NCAPH: variants seen among roughly 807,000 people sequenced by gnomAD.
NCAPH encodes the protein non-SMC condensin I complex subunit H.
NCAPH carries 38 observed loss-of-function variants against 85.5 expected under a neutral mutation model. The observed-to-expected ratio is 0.44, with a 90% confidence interval of 0.34 to 0.58. The LOEUF (loss-of-function observed/expected upper bound fraction) is 0.58, where lower values mean the gene tolerates loss of function less well. Among genes scored for constraint, NCAPH ranks in the 20% least tolerant of loss-of-function variants. The pLI, the probability that NCAPH is intolerant of heterozygous loss-of-function variation, is 0.01. For synonymous variants in NCAPH, 301 were observed against 335.1 expected, an observed-to-expected ratio of 0.90 and a Z score of 1.11; for missense variants, 789 against 916.6, an observed-to-expected ratio of 0.86 and a Z score of 1.80.
intron 4 of NCAPH, 21 bp from the exon 5 acceptor site, chr2:96,343,143 TGC>T: frequency 6.2e-7 from 1 of 1,613,388 alleles, no homozygotes; most frequent in Non-Finnish European, 8.5e-7. Context: ...TCTTTGTGAG[TGC>T]AGCTCTGATT....
chr2:96,344,444 C>A (rs1224894028), intron 6 of NCAPH, among the ~76,000 whole-genome samples: 3 of 152,198 alleles, frequency 2.0e-5, no homozygotes. Flanking sequence ...AAGGAAGAGA[C>A]TGCAAATTGC....
chr2:96,346,423 A>G (rs557735634), intron 6 of NCAPH, among the ~76,000 whole-genome samples: 74 of 152,296 alleles, frequency 4.9e-4, no homozygotes, highest in Non-Finnish European at 6.6e-4. Context: ...GTCTCTGTCC[A>G]GCCGTGAATA....
At chr2:96,358,351 A>G (rs978301153) in intron 9 of NCAPH, among the ~76,000 whole-genome samples, 2 of 152,132 alleles carry the variant, frequency 1.3e-5, no homozygotes, top group African/African-American at 2.4e-5. Context: ...CGAATGAGGG[A>G]TTTGTCATCT....
intron 7 of NCAPH, among the ~76,000 whole-genome samples, chr2:96,352,227 T>C: frequency 6.6e-6 from 1 of 152,176 alleles, no homozygotes; most frequent in Non-Finnish European, 1.5e-5. Flanking sequence ...TCTAAAACGG[T>C]AAACCATCGC....
Position 96,369,471 on chromosome 2 carries a change from G to T in NCAPH, c.2137G>T (p.Ala713Ser). ...GAACCTCTCCATACCTCTGGCTTTT[G>T]CCTGTCTCCTACATTTAGCCAATGA... ...AQNLSIPLAF[A>S]CLLHLANEKN... Residue 713 changes from alanine (A) to serine (S), a missense_variant, in exon 17 of 18, where the codon GCC (alanine) becomes TCC (serine). Physicochemically the swap from Ala to Ser is moderately conservative, Grantham distance 99. Coordinates refer to ENST00000240423, the MANE Select transcript of NCAPH (RefSeq NM_015341.5). 6.2e-7 allele frequency: 1 copy of T among 1,614,056 alleles called. No homozygotes were observed. The highest frequency in any genetic ancestry group is 1.1e-5 in the South Asian group (1 of 91,082).
At chr2:96,353,812 A>C (rs1055780338) in intron 8 of NCAPH, among the ~76,000 whole-genome samples, 16 of 152,064 alleles carry the variant, frequency 1.1e-4, no homozygotes, top group African/African-American at 3.4e-4. Flanking sequence ...TCATGTGTAG[A>C]GCTTTCCTCT....
intron 12 of NCAPH, among the ~76,000 whole-genome samples, chr2:96,363,345 TGA>T (rs2064652877): frequency 6.6e-6 from 1 of 152,212 alleles, no homozygotes; most frequent in Admixed American, 6.5e-5. Context: ...TAGGGACACC[TGA>T]GAGTGTGCCC....
At chr2:96,356,786 C>T (rs1462349108) in intron 9 of NCAPH, among the ~76,000 whole-genome samples, 1 of 152,148 alleles carries the variant, frequency 6.6e-6, no homozygotes, top group Non-Finnish European at 1.5e-5. Flanking sequence ...ACTGAGAGGT[C>T]TTCGGAGGCC....
At chr2:96,371,831 C>T (rs2064778488) in intron 17 of NCAPH, among the ~76,000 whole-genome samples, 1 of 152,206 alleles carries the variant, frequency 6.6e-6, no homozygotes, top group African/African-American at 2.4e-5. Context: ...AGAACTTGAC[C>T]TCCTCTTGGA....
In NCAPH at chr2:96,335,782, G is replaced by T; in HGVS notation, c.-48G>T. 6.8e-7 allele frequency: 1 copy of T among 1,467,018 alleles called. No homozygotes were observed. Among genetic ancestry groups the T allele is most frequent in the Non-Finnish European group, 9.0e-7 (1 of 1,109,030 alleles). 90.9% of individuals were successfully genotyped at this position (1,467,018 alleles called of 1,614,324 possible). On this transcript the variant is annotated 5_prime_UTR_variant, in exon 1 of 18. Coordinates refer to ENST00000240423, the MANE Select transcript of NCAPH (RefSeq NM_015341.5). ...CACGCGGCCGTTACGGCGCTCAGGC[G>T]TCTCGACGCGCGCGATTTAAAACCA...
At chr2:96,351,737 A>G (rs1221122060) in intron 6 of NCAPH, 94 bp from the exon 7 acceptor site, 4 of 1,081,610 alleles carry the variant, frequency 3.7e-6, no homozygotes, top group Non-Finnish European at 5.3e-6. Context: ...TCCAGTGTAT[A>G]TACCTGCTAA....
chr2:96,373,525 G>T lies in NCAPH; in HGVS notation c.*174G>T. On this transcript the variant is annotated 3_prime_UTR_variant, in exon 18 of 18. Transcript: ENST00000240423. ...TCTCCATCATAGTCTGGGTGCCAGCGCCCTGAAGCTCCGTGCTCAACTGAT... is the reference window on the plus strand; with the variant it reads ...TCTCCATCATAGTCTGGGTGCCAGCTCCCTGAAGCTCCGTGCTCAACTGAT... The T allele has an allele frequency of 3.2e-6, 2 of 619,356 alleles. No homozygotes were observed. Among genetic ancestry groups the T allele is most frequent in the South Asian group, 2.0e-5 (1 of 49,396 alleles). 38.4% of individuals were successfully genotyped at this position (619,356 alleles called of 1,614,324 possible).
intron 6 of NCAPH, among the ~76,000 whole-genome samples, chr2:96,351,394 T>C (rs2064439460): frequency 6.6e-6 from 1 of 152,120 alleles, no homozygotes; most frequent in Admixed American, 6.6e-5. Context: ...TTTTGTTGGG[T>C]GCGGTGGTTC....
chr2:96,366,893 A>AG (rs988418693), intron 14 of NCAPH, among the ~76,000 whole-genome samples: 2 of 151,464 alleles, frequency 1.3e-5, no homozygotes, highest in Non-Finnish European at 2.9e-5. Context: ...AAAAAAAAAA[A>AG]AAAAAAAGAG....
chr2:96,367,485 G>A (rs1009640052), intron 15 of NCAPH, 112 bp downstream of exon 15: 21 of 715,216 alleles, frequency 2.9e-5, no homozygotes, highest in African/African-American at 1.8e-4. Flanking sequence ...AGAAATGTTC[G>A]TTCAAAAATA....
At position 96,367,353 on chromosome 2, in the gene NCAPH, G is replaced by A. The variant is rs931977388; in HGVS notation, c.1978G>A (p.Gly660Arg). 5.6e-6 allele frequency: 9 copies of A among 1,612,986 alleles called. No individual in the cohort carries two copies. The highest frequency in any genetic ancestry group is 1.6e-4 in the Middle Eastern group (1 of 6,078). Residue 660 changes from glycine (G) to arginine (R), a missense_variant, in exon 15 of 18, where the codon GGA (glycine) becomes AGA (arginine). Transcript: ENST00000240423. ...SMWSLLTALS[G>R]KEADAEANHR... ...GTGGAGTCTGCTGACAGCGCTCTCC[G>A]GAAAGGAGGCAGATGCAGAGGTCAG...
At chr2:96,354,083 G>A (rs1214170846) in intron 8 of NCAPH, 100 bp from the exon 9 acceptor site, 2 of 1,198,876 alleles carry the variant, frequency 1.7e-6, no homozygotes, top group Non-Finnish European at 2.4e-6. Context: ...GAAGGAGGAG[G>A]CTGGAAACTG....
chr2:96,363,957 C>A (rs1445954732), intron 12 of NCAPH, among the ~76,000 whole-genome samples: 1 of 152,018 alleles, frequency 6.6e-6, no homozygotes, highest in Non-Finnish European at 1.5e-5. Context: ...ACCACAGGCA[C>A]ACAGCACCAT....
chr2:96,352,290 T>A (rs2064455713), intron 7 of NCAPH, among the ~76,000 whole-genome samples: 1 of 152,178 alleles, frequency 6.6e-6, no homozygotes, highest in Non-Finnish European at 1.5e-5. Flanking sequence ...TGCAGTCAGC[T>A]CTCCAAGTCA....
Sources: gnomAD v4.1 joint callset for allele counts (sites outside exome capture counted in the v4.1 genomes callset) on GRCh38, gnomAD v4.1.1 for gene constraint, MANE v1.5 for transcripts, NCBI Gene and HGNC (gene_info 2026-07-23, HGNC 2026-07-21) for gene names.